Variants in USP16 observed in about 807,000 individuals in gnomAD.
The protein encoded by USP16 is ubiquitin specific peptidase 16.
USP16 carries 77 observed loss-of-function variants against 95.9 expected under a neutral mutation model. That is an observed-to-expected ratio of 0.80 (90% confidence interval 0.67 to 0.97). USP16 has a LOEUF of 0.97. Ranked by LOEUF, USP16 falls within the 50% of genes least tolerant of loss-of-function variation. The pLI is 0.00. For missense variants in USP16, 943 were observed against 959.9 expected (o/e 0.98, Z 0.23); for synonymous variants, 303 against 318.2 (o/e 0.95, Z 0.51).
chr21:29,045,438 C>T (rs1033015269), intron 13 of USP16, among the ~76,000 whole-genome samples: 5 of 152,218 alleles, frequency 3.3e-5, no homozygotes, highest in African/African-American at 1.2e-4. Flanking sequence ...TCTTTACTCT[C>T]TTCTGTATGT....
chr21:29,047,278 A>G lies in USP16; in HGVS notation c.1968A>G (p.Val656=), dbSNP rs1226307993. ...ATGCGAATAAACTGCTTTGTGAAGT[A>G]TGCACACGGAGACAGTGTAATGGAC... ...LRDANKLLCE[V]CTRRQCNGPK... is the part of the protein sequence containing the mutation. Residue 656 remains valine, a synonymous_variant, in exon 14 of 18, where the codon GTA becomes GTG. Transcript: ENST00000399976. 7 of 1,613,928 alleles carry G rather than the reference A, an allele frequency of 4.3e-6. No individual in the cohort carries two copies. The highest frequency in any genetic ancestry group is 5.9e-6 in the Non-Finnish European group (7 of 1,179,964).
chr21:29,032,847 C>G (rs1399250186), intron 3 of USP16, among the ~76,000 whole-genome samples: 1 of 152,060 alleles, frequency 6.6e-6, no homozygotes, highest in Non-Finnish European at 1.5e-5. Context: ...GCCAAACTGC[C>G]AAACTGTTTT....
intron 2 of USP16, 81 bp downstream of exon 2, chr21:29,028,055 ATAT>A (rs1410205178): frequency 7.6e-6 from 8 of 1,057,756 alleles, no homozygotes; most frequent in East Asian, 5.2e-5. Flanking sequence ...ATAAAGCTGC[ATAT>A]TATTGTTATA....
chr21:29,033,314 C>T (rs2085104725), intron 3 of USP16, among the ~76,000 whole-genome samples: 1 of 152,118 alleles, frequency 6.6e-6, no homozygotes, highest in Non-Finnish European at 1.5e-5. Flanking sequence ...AAAATAGTAT[C>T]AAATGTTAAT....
chr21:29,037,588 T>A, intron 6 of USP16, 125 bp downstream of exon 6: 1 of 742,972 alleles, frequency 1.3e-6, no homozygotes. Context: ...ACTTTTTTTT[T>A]TTTTTTTTTT....
At chr21:29,028,061 T>C in intron 2 of USP16, 87 bp downstream of exon 2, 1 of 976,652 alleles carries the variant, frequency 1.0e-6, no homozygotes, top group Non-Finnish European at 1.6e-6. Context: ...CTGCATATTA[T>C]TGTTATATTA....
chr21:29,036,279 TA>T lies in USP16; in HGVS notation c.354del (p.Cys119ValfsTer46). ...TGATTTTTGGGTCACAGGTGTTACG[TA>T]TGTGATAATGAGGTCCAGTATTGTA... ...SLDNWSVWCYVCDNEVQYCSS... is the reference protein window; with the variant it reads ...SLDNWSVWCYXCDNEVQYCSS... On this transcript the variant is annotated frameshift_variant, in exon 5 of 18. Coordinates refer to ENST00000399976, the MANE Select transcript of USP16 (RefSeq NM_006447.3). LOFTEE classifies it high-confidence loss of function. 3 of 1,610,128 alleles carry T rather than the reference TA, an allele frequency of 1.9e-6. No individual in the cohort carries two copies. Among genetic ancestry groups the T allele is most frequent in the Non-Finnish European group, 2.5e-6 (3 of 1,177,688 alleles).
intron 15 of USP16, 69 bp downstream of exon 15, chr21:29,048,924 C>A: frequency 8.5e-7 from 1 of 1,171,810 alleles, no homozygotes; most frequent in Non-Finnish European, 1.3e-6. Flanking sequence ...TTTTTCATTA[C>A]TGTCTCAACA....
At chr21:29,030,903 A>T in intron 3 of USP16, 130 bp downstream of exon 3, 1 of 1,064,738 alleles carries the variant, frequency 9.4e-7, no homozygotes, top group Non-Finnish European at 1.3e-6. Flanking sequence ...CTGGAGAACC[A>T]GTTCTGAGAT....
In USP16 at chr21:29,054,184, GTAA is replaced by G. The variant is rs755461054; in HGVS notation, c.*3_*5del. The G allele has an allele frequency of 1.7e-5, 27 of 1,609,976 alleles. No individual in the cohort carries two copies. The highest frequency in any genetic ancestry group is 1.0e-4 in the Admixed American group (6 of 59,650). ...ACCTCCTATTTTATGAGAGAATACTGTAATAATATCAAAAGCACTTTTTCTGGA... is the reference window on the plus strand; with the variant it reads ...ACCTCCTATTTTATGAGAGAATACTGTAATATCAAAAGCACTTTTTCTGGA... On this transcript the variant is annotated stop_lost and inframe_deletion and stop_retained_variant, in exon 18 of 18. Transcript: ENST00000399976.
rs565300562 is a variant in USP16 at position 29,038,319 on chromosome 21, T to C, written c.637-16T>C. On this transcript the variant is annotated splice_polypyrimidine_tract_variant and intron_variant, in intron 6 of 17. Coordinates refer to ENST00000399976, the MANE Select transcript of USP16 (RefSeq NM_006447.3). Reference sequence around the variant, plus strand: ...TTTAAATAATTTTTCTCTTTTTTTTTCACCCTACATTCTAGAACTTGTCAC... The same window carrying C: ...TTTAAATAATTTTTCTCTTTTTTTTCCACCCTACATTCTAGAACTTGTCAC... 3.9e-6 allele frequency: 6 copies of C among 1,551,850 alleles called. No homozygotes were observed. The highest frequency in any genetic ancestry group is 2.7e-5 in the African/African-American group (2 of 72,890).
At chr21:29,052,219 G>C (rs1568902072) in intron 16 of USP16, 1 of 152,164 alleles carries the variant, frequency 6.6e-6, no homozygotes, top group African/African-American at 2.4e-5. Flanking sequence ...ACCACATTTT[G>C]AATAGCAATG....
At position 29,040,635 on chromosome 21, in the gene USP16, A is replaced by G. The variant is rs1568891191; in HGVS notation, c.978A>G (p.Ala326=). Residue 326 remains alanine, a synonymous_variant, in exon 10 of 18, where the codon GCA becomes GCG. Transcript: ENST00000399976. The part of the protein sequence containing the change: ...HQRVSKGILK[A]FGNSTEKLDE... ...GAGTGAGTAAAGGAATACTTAAAGC[A>G]TTTGGTAATTCTACTGAAAAGTTGG... 1.7e-5 allele frequency: 26 copies of G among 1,540,620 alleles called. No homozygotes were observed. The highest frequency in any genetic ancestry group is 2.2e-5 in the Non-Finnish European group (25 of 1,123,064).
At position 29,037,228 on chromosome 21, in the gene USP16, C is replaced by T. The variant is rs185001187; in HGVS notation, c.449-48C>T. 4.2e-4 allele frequency: 507 copies of T among 1,219,768 alleles called. 4 individuals are homozygous for T. In the African/African-American group the frequency reaches 6.4e-3, roughly 15 times the overall value. 75.6% of individuals were successfully genotyped at this position (1,219,768 alleles called of 1,614,324 possible). ...TGTTTCCCAAGTATACTTCTGCATT[C>T]GATATGACTGTATTACACATTTTGC... On this transcript the variant is annotated intron_variant, in intron 5 of 17. Transcript: ENST00000399976.
At chr21:29,048,710 T>A in intron 14 of USP16, 51 bp from the exon 15 acceptor site, 1 of 1,404,546 alleles carries the variant, frequency 7.1e-7, no homozygotes, top group South Asian at 1.2e-5. Context: ...CTGAATGCTT[T>A]AGGGGTCTAA....
At chr21:29,024,994 C>T in intron 1 of USP16, 1 of 382,670 alleles carries the variant, frequency 2.6e-6, no homozygotes, top group Non-Finnish European at 4.5e-6. Context: ...CCTTCTCGAC[C>T]CCGTGGACCC....
rs745966848 is a variant in USP16 at position 29,034,827 on chromosome 21, A to AT, written c.241-3dup. ...TATGGCTTTGAGGTTTATGATTATGATTTTTTTAGGGCTGTGGCAGAAATT... is the reference window on the plus strand; with the variant it reads ...TATGGCTTTGAGGTTTATGATTATGATTTTTTTTAGGGCTGTGGCAGAAATT... On this transcript the variant is annotated splice_polypyrimidine_tract_variant and intron_variant, in intron 3 of 17. Coordinates refer to ENST00000399976, the MANE Select transcript of USP16 (RefSeq NM_006447.3). 2.3e-5 allele frequency: 37 copies of AT among 1,613,576 alleles called. No homozygotes were observed. The highest frequency in any genetic ancestry group is 1.1e-4 in the South Asian group (10 of 91,056).
Position 29,054,291 on chromosome 21 carries a change from T to A in USP16, c.*104T>A. On this transcript the variant is annotated 3_prime_UTR_variant, in exon 18 of 18. Coordinates refer to ENST00000399976, the MANE Select transcript of USP16 (RefSeq NM_006447.3). ...AAAATCATGTTCACTTAACATTAAA[T>A]ACATGCCAGAAGAAATCATGTTTAT... 7.5e-7 allele frequency: 1 copy of A among 1,328,268 alleles called. No homozygotes were observed. The highest frequency in any genetic ancestry group is 1.0e-6 in the Non-Finnish European group (1 of 971,458). 82.3% of individuals were successfully genotyped at this position (1,328,268 alleles called of 1,614,324 possible).
intron 9 of USP16, among the ~76,000 whole-genome samples, chr21:29,040,257 G>A (rs1368982989): frequency 6.6e-6 from 1 of 152,096 alleles, no homozygotes; most frequent in African/African-American, 2.4e-5. Context: ...TAATGGAGCT[G>A]GGCTTTAAGC....
Sources: allele counts gnomAD v4.1 joint callset (sites outside exome capture counted in the v4.1 genomes callset), GRCh38; gene constraint gnomAD v4.1.1; transcripts MANE v1.5; gene names NCBI Gene and HGNC (gene_info 2026-07-23, HGNC 2026-07-21).